PCSK5: variants seen among roughly 807,000 people sequenced by gnomAD.
PCSK5 encodes the protein proprotein convertase subtilisin/kexin type 5.
PCSK5 carries 129 observed loss-of-function variants against 233.2 expected under a neutral mutation model. The observed-to-expected ratio is 0.55, with a 90% CI of 0.48 to 0.64. The LOEUF is 0.64. Among genes scored for constraint, PCSK5 ranks in the 30% least tolerant of loss-of-function variants. PCSK5 has a pLI of 0.00. For missense variants in PCSK5, 2,076 were observed against 2,430.1 expected (o/e 0.85, Z 3.06); for synonymous variants, 825 against 879.2 (o/e 0.94, Z 1.09).
intron 3 of PCSK5, among the ~76,000 whole-genome samples, chr9:75,989,354 C>T (rs772257213): frequency 1.6e-4 from 24 of 152,220 alleles, no homozygotes; most frequent in Admixed American, 9.2e-4. Context: ...ATTAGCTGGA[C>T]GAGGTGGCGT....
At chr9:76,147,963 G>T (rs2131789292) in intron 10 of PCSK5, among the ~76,000 whole-genome samples, 1 of 152,150 alleles carries the variant, frequency 6.6e-6, no homozygotes, top group South Asian at 2.1e-4. Context: ...CCATTCTACT[G>T]CCTTTGTTCC....
At chr9:76,318,668 G>A (rs1210978168) in intron 30 of PCSK5, among the ~76,000 whole-genome samples, 2 of 152,052 alleles carry the variant, frequency 1.3e-5, no homozygotes, top group Non-Finnish European at 2.9e-5. Flanking sequence ...GCACAAACAC[G>A]CTGGTACTCA....
chr9:76,116,800 C>T (rs1832441814), intron 9 of PCSK5, among the ~76,000 whole-genome samples: 1 of 152,056 alleles, frequency 6.6e-6, no homozygotes, highest in South Asian at 2.1e-4. Flanking sequence ...TAATGTGACA[C>T]CAGAACCCAC....
At chr9:75,920,544 C>T (rs946786177) in intron 1 of PCSK5, among the ~76,000 whole-genome samples, 4 of 152,044 alleles carry the variant, frequency 2.6e-5, no homozygotes, top group African/African-American at 9.7e-5. Flanking sequence ...ATGGGTCATG[C>T]TTGTAGTCCC....
At chr9:76,155,413 A>G (rs1457676621) in intron 10 of PCSK5, among the ~76,000 whole-genome samples, 1 of 152,212 alleles carries the variant, frequency 6.6e-6, no homozygotes, top group Non-Finnish European at 1.5e-5. Context: ...TTTGTCCTCT[A>G]TGTGCATCAA....
chr9:76,221,869 A>G (rs1339185932), intron 20 of PCSK5, among the ~76,000 whole-genome samples: 3 of 152,206 alleles, frequency 2.0e-5, no homozygotes, highest in Non-Finnish European at 4.4e-5. Context: ...CCCACAGATC[A>G]ATGTCAGTGC....
At chr9:76,046,559 C>CTTTTTTTTTTTTTTTTTTTTTTTTTT (rs553542037) in intron 5 of PCSK5, among the ~76,000 whole-genome samples, 7 of 104,806 alleles carry the variant, frequency 6.7e-5, no homozygotes, top group Non-Finnish European at 1.2e-4. Flanking sequence ...CTTTCTTTTT[C>CTTTTTTTTTTTTTTTTTTTTTTTTTT]TTTTTTTTTT....
intron 10 of PCSK5, among the ~76,000 whole-genome samples, chr9:76,147,799 G>T (rs558222167): frequency 4.9e-4 from 74 of 152,290 alleles, no homozygotes; most frequent in Middle Eastern, 6.8e-3. Flanking sequence ...CAATAAGGAA[G>T]TTGTGAAAGG....
chr9:76,189,900 C>A (rs149825121), intron 20 of PCSK5, among the ~76,000 whole-genome samples, 154 bp downstream of exon 20: 1 of 152,262 alleles, frequency 6.6e-6, no homozygotes, highest in East Asian at 1.9e-4. Context: ...TGAACTTATG[C>A]CCTTAATGGA....
chr9:76,132,413 A>G (rs1409695226), intron 9 of PCSK5, among the ~76,000 whole-genome samples: 2 of 152,062 alleles, frequency 1.3e-5, no homozygotes, highest in Non-Finnish European at 2.9e-5. Flanking sequence ...TTTAAAGTTT[A>G]TGTAGTTGGG....
At chr9:76,106,700 A>G (rs1455336433) in intron 8 of PCSK5, among the ~76,000 whole-genome samples, 1 of 152,310 alleles carries the variant, frequency 6.6e-6, no homozygotes, top group South Asian at 2.1e-4. Flanking sequence ...CAACATTTCT[A>G]TTGATTCTAG....
chr9:76,164,642 T>G (rs181539429), intron 12 of PCSK5, among the ~76,000 whole-genome samples: 1 of 152,350 alleles, frequency 6.6e-6, no homozygotes, highest in African/African-American at 2.4e-5. Flanking sequence ...ATCCTGAAGC[T>G]GCCTGTCCAC....
chr9:76,304,454 AAAAC>A (rs1828713714), intron 28 of PCSK5, among the ~76,000 whole-genome samples: 1 of 152,234 alleles, frequency 6.6e-6, no homozygotes, highest in African/African-American at 2.4e-5. Context: ...AGAGGGGAGT[AAAAC>A]AAGCCTCAGA....
At chr9:76,089,134 C>G (rs1294010480) in intron 7 of PCSK5, among the ~76,000 whole-genome samples, 1 of 152,064 alleles carries the variant, frequency 6.6e-6, no homozygotes, top group Non-Finnish European at 1.5e-5. Context: ...CAACTTCTTC[C>G]CCTTATCCCT....
At chr9:75,909,461 C>T (rs1184811451) in intron 1 of PCSK5, among the ~76,000 whole-genome samples, 5 of 151,940 alleles carry the variant, frequency 3.3e-5, no homozygotes, top group African/African-American at 4.8e-5. Flanking sequence ...TTTGGGAGGC[C>T]GAGGCGGGCG....
chr9:76,184,531 A>C (rs987134910), intron 16 of PCSK5, 142 bp from the exon 17 acceptor site: 2 of 534,210 alleles, frequency 3.7e-6, no homozygotes, highest in Non-Finnish European at 6.6e-6. Context: ...GATAACAAAT[A>C]GTGATTCTGT....
chr9:76,044,602 G>A (rs1267566580), intron 5 of PCSK5, among the ~76,000 whole-genome samples: 1 of 152,172 alleles, frequency 6.6e-6, no homozygotes, highest in Admixed American at 6.5e-5. Flanking sequence ...TTGGAATGCT[G>A]TACGCAGTGC....
chr9:76,194,648 C>T, intron 20 of PCSK5: 1 of 390,432 alleles, frequency 2.6e-6, no homozygotes, highest in Non-Finnish European at 5.2e-6. Flanking sequence ...CTGTGACTCT[C>T]TAAACACTTC....
intron 5 of PCSK5, among the ~76,000 whole-genome samples, chr9:76,064,695 G>A (rs1361120227): frequency 1.7e-4 from 25 of 149,576 alleles, no homozygotes; most frequent in African/African-American, 5.9e-4. Context: ...CTTCTCAGAC[G>A]GGGCGGCCGG....
Sources: gnomAD v4.1 joint callset for allele counts (sites outside exome capture counted in the v4.1 genomes callset) on GRCh38, gnomAD v4.1.1 for gene constraint, MANE v1.5 for transcripts, NCBI Gene and HGNC (gene_info 2026-07-23, HGNC 2026-07-21) for gene names.